Variants in GPC5 observed in about 807,000 individuals in gnomAD.
GPC5 encodes the protein glypican-5.
In GPC5, 47 loss-of-function variants were observed where a neutral mutation model predicts 53.9. The ratio of observed to expected loss-of-function variants is 0.87; its 90% confidence interval spans 0.69 to 1.11. GPC5 has a LOEUF of 1.11. GPC5 is among the 50% of genes most tolerant of loss of function. GPC5 has a pLI of 0.00. For missense variants in GPC5, 748 were observed against 713.1 expected, an observed-to-expected ratio of 1.05 and a Z score of -0.56; for synonymous variants, 286 against 263.3, an observed-to-expected ratio of 1.09 and a Z score of -0.84.
At chr13:91,413,646 T>G (rs1877973362) in intron 1 of GPC5, among the ~76,000 whole-genome samples, 1 of 152,242 alleles carries the variant, frequency 6.6e-6, no homozygotes, top group South Asian at 2.1e-4. Context: ...AGCTTCTCTG[T>G]GTGATAACAC....
intron 7 of GPC5, among the ~76,000 whole-genome samples, chr13:92,753,129 A>G (rs969393037): frequency 1.3e-5 from 2 of 152,210 alleles, no homozygotes; most frequent in Non-Finnish European, 2.9e-5. Flanking sequence ...CCCAGCACTC[A>G]GCTGGAGATC....
At chr13:91,477,684 T>C (rs2139201619) in intron 2 of GPC5, among the ~76,000 whole-genome samples, 1 of 152,264 alleles carries the variant, frequency 6.6e-6, no homozygotes, top group East Asian at 1.9e-4. Flanking sequence ...AAGTGAGGCA[T>C]ACAAGGGGCC....
intron 6 of GPC5, among the ~76,000 whole-genome samples, chr13:91,917,302 G>A (rs1430132666): frequency 6.6e-6 from 1 of 152,216 alleles, no homozygotes; most frequent in Non-Finnish European, 1.5e-5. Flanking sequence ...TTGGCACTAT[G>A]TCTCACATCC....
At chr13:92,369,337 C>T (rs563192550) in intron 7 of GPC5, among the ~76,000 whole-genome samples, 1 of 152,238 alleles carries the variant, frequency 6.6e-6, no homozygotes, top group Admixed American at 6.5e-5. Flanking sequence ...GTGTGTGCTA[C>T]CATGCCTGGC....
chr13:92,537,083 A>G (rs1390429622), intron 7 of GPC5, among the ~76,000 whole-genome samples: 2 of 152,136 alleles, frequency 1.3e-5, no homozygotes, highest in Non-Finnish European at 2.9e-5. Context: ...TACCACATTT[A>G]AAATTCCATA....
Position 92,613,403 on chromosome 13 carries a change from T to C in GPC5, c.1562-252879T>C, listed in dbSNP as rs551633658. ...TATTATATTATATATAAATATATAT[T>C]ATATTATATATAAATATGATATATA... On this transcript the variant is annotated intron_variant, in intron 7 of 7. Transcript: ENST00000377067. 2.6e-3 allele frequency among the ~76,000 whole-genome samples: 206 copies of C among 80,288 alleles called. 2 individuals carry two copies. The highest frequency in any genetic ancestry group is 4.9e-3 in the African/African-American group (89 of 18,308). 52.7% of individuals were successfully genotyped at this position (80,288 alleles called of 152,430 possible). A position where few individuals can be genotyped will look rare whatever the true frequency, so the allele number is the denominator to read the frequency against.
chr13:91,446,118 G>A (rs1357529540), intron 1 of GPC5, among the ~76,000 whole-genome samples: 3 of 152,078 alleles, frequency 2.0e-5, no homozygotes, highest in Admixed American at 1.3e-4. Flanking sequence ...TTGGGGGTTT[G>A]TTTTCTAGTT....
At chr13:91,814,525 C>CTTTATTTATTTA (rs140584837) in intron 5 of GPC5, among the ~76,000 whole-genome samples, 130 of 151,078 alleles carry the variant, frequency 8.6e-4, no homozygotes, top group African/African-American at 2.7e-3. Context: ...TATTCTGCAA[C>CTTTATTTATTTA]TTTATTTATT....
intron 7 of GPC5, among the ~76,000 whole-genome samples, chr13:92,743,448 T>C (rs1048562480): frequency 4.0e-4 from 61 of 152,158 alleles, no homozygotes; most frequent in African/African-American, 1.5e-3. Flanking sequence ...ATCCTGAGAC[T>C]TTGCTGAAGT....
In GPC5 at chr13:92,629,816, G is replaced by A. The variant is rs189436411; in HGVS notation, c.1562-236466G>A. On this transcript the variant is annotated intron_variant, in intron 7 of 7. Coordinates refer to ENST00000377067, the MANE Select transcript of GPC5 (RefSeq NM_004466.6). ...CATGAGTACAAAAAAAAATCAATAGGACTTCATTCTTGACAAATATTGACA... is the reference window on the plus strand; with the variant it reads ...CATGAGTACAAAAAAAAATCAATAGAACTTCATTCTTGACAAATATTGACA... Among the ~76,000 whole-genome samples, 3 of 152,164 alleles carry A rather than the reference G, an allele frequency of 2.0e-5. No homozygotes were observed. The East Asian group carries it at 5.8e-4, about 29-fold the overall frequency.
chr13:92,578,305 G>A (rs6492618), intron 7 of GPC5, among the ~76,000 whole-genome samples: 3 of 151,968 alleles, frequency 2.0e-5, no homozygotes, highest in African/African-American at 7.3e-5. Flanking sequence ...AATGAGCAAC[G>A]AAGTTTGAGC....
intron 7 of GPC5, among the ~76,000 whole-genome samples, chr13:92,676,477 T>C (rs1886942238): frequency 6.6e-6 from 1 of 152,186 alleles, no homozygotes. Flanking sequence ...AAGAATGCAA[T>C]TCTTTTTCAA....
At chr13:92,650,500 T>C (rs142144765) in intron 7 of GPC5, among the ~76,000 whole-genome samples, 141 of 152,284 alleles carry the variant, frequency 9.3e-4, no homozygotes, top group African/African-American at 3.3e-3. Flanking sequence ...AATTGTGTTA[T>C]GAATACTAGT....
At chr13:91,585,366 A>G (rs2139117264) in intron 2 of GPC5, among the ~76,000 whole-genome samples, 1 of 152,330 alleles carries the variant, frequency 6.6e-6, no homozygotes, top group Admixed American at 6.5e-5. Flanking sequence ...ATTATTTGTA[A>G]TACTCAAAAA....
At chr13:92,479,988 A>C (rs1163486416) in intron 7 of GPC5, among the ~76,000 whole-genome samples, 1 of 152,172 alleles carries the variant, frequency 6.6e-6, no homozygotes, top group Admixed American at 6.6e-5. Flanking sequence ...GATAATCATC[A>C]GAAAGAATAC....
intron 7 of GPC5, among the ~76,000 whole-genome samples, chr13:92,257,546 A>ATTTTTTTTTTTCTTT (rs2042735373): frequency 1.4e-5 from 1 of 72,966 alleles, no homozygotes; most frequent in Non-Finnish European, 2.3e-5. Flanking sequence ...TAATACAGGG[A>ATTTTTTTTTTTCTTT]TTTTTTTTTT....
At chr13:92,119,127 T>C (rs2041624138) in intron 6 of GPC5, among the ~76,000 whole-genome samples, 2 of 152,226 alleles carry the variant, frequency 1.3e-5, no homozygotes, top group Admixed American at 6.5e-5. Context: ...AGAAGGCAAA[T>C]GAGCAAAGTC....
chr13:91,598,638 T>C (rs1566540803), intron 2 of GPC5, among the ~76,000 whole-genome samples: 1 of 152,026 alleles, frequency 6.6e-6, no homozygotes, highest in Non-Finnish European at 1.5e-5. Context: ...TCATATTAAA[T>C]ATATTTTTCT....
At chr13:91,872,987 C>T (rs1313491135) in intron 5 of GPC5, among the ~76,000 whole-genome samples, 1 of 152,104 alleles carries the variant, frequency 6.6e-6, no homozygotes, top group Admixed American at 6.5e-5. Context: ...TCCACCATCT[C>T]TGTATTTTTG....
Sources: allele counts gnomAD v4.1 joint callset (sites outside exome capture counted in the v4.1 genomes callset), GRCh38; gene constraint gnomAD v4.1.1; transcripts MANE v1.5; gene names NCBI Gene and HGNC (gene_info 2026-07-23, HGNC 2026-07-21).